The following FOXP2 variants were observed in gnomAD, a reference collection of about 807,000 sequenced individuals.
The protein encoded by FOXP2 is forkhead box P2.
In FOXP2, 12 loss-of-function variants were observed where a neutral mutation model predicts 115.8. That is an observed-to-expected ratio of 0.10 (90% CI 0.07 to 0.17). The LOEUF (loss-of-function observed/expected upper bound fraction) is 0.17. FOXP2 is among the 10% of genes least tolerant of loss of function. FOXP2 has a pLI of 1.00. For synonymous variants in FOXP2, 328 were observed against 297.7 expected (o/e 1.10, Z -1.05); for missense variants, 629 against 843.5 (o/e 0.75, Z 3.15).
intron 1 of FOXP2, among the ~76,000 whole-genome samples, chr7:114,186,666 C>T (rs993778468): frequency 2.8e-4 from 42 of 152,250 alleles, no homozygotes; most frequent in African/African-American, 9.1e-4. Flanking sequence ...ATGGCCTCAT[C>T]GCTGTGGTGG....
chr7:114,266,946 A>T (rs969998172), intron 1 of FOXP2, among the ~76,000 whole-genome samples: 1 of 152,232 alleles, frequency 6.6e-6, no homozygotes, highest in African/African-American at 2.4e-5. Flanking sequence ...GGTGATAAAA[A>T]TGTAAACAAA....
intron 1 of FOXP2, among the ~76,000 whole-genome samples, chr7:114,106,601 C>G (rs1791124043): frequency 6.6e-6 from 1 of 151,898 alleles, no homozygotes; most frequent in Admixed American, 6.6e-5. Flanking sequence ...AACAGCTGAT[C>G]CAGAAACATT....
intron 2 of FOXP2, among the ~76,000 whole-genome samples, chr7:114,434,247 T>C (rs1035896786): frequency 3.9e-5 from 6 of 151,922 alleles, no homozygotes; most frequent in South Asian, 4.1e-4. Flanking sequence ...TTCAAAATAC[T>C]AAAAGAAAAT....
At chr7:114,671,569 A>G (rs1300736905) in intron 16 of FOXP2, among the ~76,000 whole-genome samples, 1 of 152,204 alleles carries the variant, frequency 6.6e-6, no homozygotes, top group Non-Finnish European at 1.5e-5. Flanking sequence ...TTGCACTAAC[A>G]CTAGTTGAGC....
chr7:114,676,117 CAG>C (rs1393692231), intron 16 of FOXP2, among the ~76,000 whole-genome samples: 2 of 111,424 alleles, frequency 1.8e-5, no homozygotes, highest in Non-Finnish European at 3.4e-5. Context: ...TTAGTAGAGA[CAG>C]GGTTTCTTCT....
intron 2 of FOXP2, among the ~76,000 whole-genome samples, chr7:114,406,122 A>T (rs1322546917): frequency 2.6e-5 from 4 of 151,702 alleles, no homozygotes; most frequent in Non-Finnish European, 5.9e-5. Context: ...TTTAAGTCTA[A>T]TTGGAAAAAT....
chr7:114,489,094 C>T (rs1796920249), intron 2 of FOXP2, among the ~76,000 whole-genome samples: 1 of 152,142 alleles, frequency 6.6e-6, no homozygotes, highest in African/African-American at 2.4e-5. Flanking sequence ...GATAATCGAT[C>T]TTGATTTTAG....
At chr7:114,370,856 G>T (rs560595528) in intron 2 of FOXP2, among the ~76,000 whole-genome samples, 1 of 152,220 alleles carries the variant, frequency 6.6e-6, no homozygotes, top group South Asian at 2.1e-4. Flanking sequence ...CTCAGTCAAA[G>T]AAATAATATA....
In FOXP2 at chr7:114,313,732, G is replaced by A. The variant is rs1220814573; in HGVS notation, c.-11+25623G>A. ...TGCACTCCAGCCTGGGCGACAGAGC[G>A]AGACTCCGTCTCAAAAAAAAAAAAA... On this transcript the variant is annotated intron_variant, in intron 2 of 17. Coordinates refer to the FOXP2 transcript ENST00000634411. Among the ~76,000 whole-genome samples the A allele has an allele frequency of 1.6e-4, 7 of 44,632 alleles. 2 individuals are homozygous for A. The highest frequency in any genetic ancestry group is 2.1e-4 in the Non-Finnish European group (6 of 28,040). The allele number at this position is 44,632 out of a possible 152,430, so 29.3% of individuals were successfully genotyped here. A position where few individuals can be genotyped will look rare whatever the true frequency, so the allele number is the denominator to read the frequency against.
chr7:114,691,646 G>T lies in FOXP2; in HGVS notation c.*1720G>T. 2.2e-6 allele frequency: 1 copy of T among 453,924 alleles called. No individual in the cohort carries two copies. Among genetic ancestry groups the T allele is most frequent in the Non-Finnish European group, 4.4e-6 (1 of 226,734 alleles). The allele number at this position is 453,924 out of a possible 1,614,324, so 28.1% of individuals were successfully genotyped here. The stretch of plus-strand genomic sequence containing the variant: ...CTTTTCATGTGCTGTGCCAAGTCTT[G>T]ATAATACTTTTTCCCCCAACCAAGG... On this transcript the variant is annotated 3_prime_UTR_variant, in exon 17 of 17. Coordinates refer to ENST00000350908, the MANE Select transcript of FOXP2 (RefSeq NM_014491.4).
At chr7:114,615,708 C>G (rs1214163290) in intron 3 of FOXP2, among the ~76,000 whole-genome samples, 1 of 152,142 alleles carries the variant, frequency 6.6e-6, no homozygotes, top group Non-Finnish European at 1.5e-5. Context: ...GAGTGGTTTA[C>G]TGTGGGTCTC....
chr7:114,100,691 T>G (rs942112201), intron 1 of FOXP2, among the ~76,000 whole-genome samples: 4 of 152,188 alleles, frequency 2.6e-5, no homozygotes, highest in African/African-American at 9.6e-5. Flanking sequence ...TGGTTAAGAA[T>G]AGAGCCTTTT....
intron 2 of FOXP2, among the ~76,000 whole-genome samples, chr7:114,453,555 G>A (rs1040760602): frequency 5.3e-5 from 8 of 152,032 alleles, no homozygotes; most frequent in Non-Finnish European, 7.4e-5. Context: ...CAAGACATGT[G>A]CCAGGGATTA....
chr7:114,194,913 C>T (rs536034569), intron 1 of FOXP2, among the ~76,000 whole-genome samples: 6 of 152,128 alleles, frequency 3.9e-5, no homozygotes, highest in African/African-American at 1.4e-4. Context: ...AATTGTTATT[C>T]TTTTGCAAAA....
At position 114,529,482 on chromosome 7, in the gene FOXP2, C is replaced by A. The variant is rs552886068; in HGVS notation, c.169-5135C>A. ...AAGTAATTACTCTTATTAAAGTACT[C>A]TTATTATAGTGTAGTATTATTTTAT... On this transcript the variant is annotated intron_variant, in intron 2 of 16. Transcript: ENST00000350908. Among the ~76,000 whole-genome samples the A allele has an allele frequency of 3.3e-5, 5 of 151,842 alleles. No homozygotes were observed. The South Asian group carries it at 1.0e-3, about 31-fold the overall frequency.
At chr7:114,461,354 A>G (rs1240138846) in intron 2 of FOXP2, among the ~76,000 whole-genome samples, 2 of 152,078 alleles carry the variant, frequency 1.3e-5, no homozygotes, top group Non-Finnish European at 2.9e-5. Context: ...GAACTATTAT[A>G]CTTTTCCTTT....
At position 114,664,355 on chromosome 7, in the gene FOXP2, T is replaced by C; in HGVS notation, c.1922T>C (p.Val641Ala). ...NNASSGLLQA[V>A]HEDLNGSLDH... ...GCATCCAGTGGCCTACTGCAGGCCGTCCACGAAGACCTCAATGGTTCTCTG... is the reference window on the plus strand; with the variant it reads ...GCATCCAGTGGCCTACTGCAGGCCGCCCACGAAGACCTCAATGGTTCTCTG... Residue 641 changes from valine (V) to alanine (A), a missense_variant, in exon 16 of 17, where the codon GTC becomes GCC. By Grantham distance (64) the Val-to-Ala change is moderately conservative. This residue lies in a region of FOXP2 where 117 missense variants were observed against 112.3 expected (regional missense o/e 1.04). Transcript: ENST00000350908. 1 of 1,613,680 alleles carries C rather than the reference T, an allele frequency of 6.2e-7. No individual in the cohort carries two copies. Among genetic ancestry groups the C allele is most frequent in the Non-Finnish European group, 8.5e-7 (1 of 1,179,724 alleles).
chr7:114,495,204 T>A (rs1797251608), intron 2 of FOXP2, among the ~76,000 whole-genome samples: 1 of 152,192 alleles, frequency 6.6e-6, no homozygotes, highest in African/African-American at 2.4e-5. Context: ...TGTCTTCAGG[T>A]CAGCATGTGG....
At chr7:114,224,778 G>C (rs920889269) in intron 1 of FOXP2, among the ~76,000 whole-genome samples, 1 of 152,014 alleles carries the variant, frequency 6.6e-6, no homozygotes, top group South Asian at 2.1e-4. Context: ...CTCAACCTCC[G>C]TAGTAGGTGG....
Sources: gnomAD v4.1 joint callset for allele counts (sites outside exome capture counted in the v4.1 genomes callset) on GRCh38, gnomAD v4.1.1 for gene constraint, gnomAD v4.1.1 regional missense constraint, MANE v1.5 for transcripts, NCBI Gene and HGNC (gene_info 2026-07-23, HGNC 2026-07-21) for gene names.